The following BMERB1 variants were observed in gnomAD, a reference collection of about 807,000 sequenced individuals.
BMERB1 encodes the protein bMERB domain-containing protein 1.
A neutral mutation model predicts 23.6 loss-of-function variants in BMERB1; 12 were observed. The observed-to-expected ratio is 0.51, with a 90% CI of 0.33 to 0.82. BMERB1 has a LOEUF of 0.82. Among genes scored for constraint, BMERB1 ranks in the 40% least tolerant of loss-of-function variants. The pLI is 0.03. For synonymous variants in BMERB1, 122 were observed against 96.6 expected, an observed-to-expected ratio of 1.26 and a Z score of -1.54; for missense variants, 247 against 255.4, an observed-to-expected ratio of 0.97 and a Z score of 0.22.
At chr16:15,489,754 CAG>C (rs1382092210) in intron 1 of BMERB1, among the ~76,000 whole-genome samples, 2 of 152,162 alleles carry the variant, frequency 1.3e-5, no homozygotes, top group African/African-American at 4.8e-5. Flanking sequence ...TCCCACGCCA[CAG>C]AGTCTAACTT....
chr16:15,551,277 C>T (rs2030084043), intron 2 of BMERB1, among the ~76,000 whole-genome samples: 1 of 152,140 alleles, frequency 6.6e-6, no homozygotes, highest in Non-Finnish European at 1.5e-5. Flanking sequence ...TCCATGCCTG[C>T]CAGCCTTCCT....
chr16:15,457,081 C>T (rs1347588348), intron 1 of BMERB1, among the ~76,000 whole-genome samples: 2 of 152,188 alleles, frequency 1.3e-5, no homozygotes, highest in Non-Finnish European at 2.9e-5. Flanking sequence ...CCACCTTGGC[C>T]TCCCAAAATG....
chr16:15,499,596 C>T (rs2051507633), intron 1 of BMERB1, among the ~76,000 whole-genome samples: 1 of 152,064 alleles, frequency 6.6e-6, no homozygotes, highest in Non-Finnish European at 1.5e-5. Context: ...AGGGGAAGGA[C>T]CACAGCTTCT....
intron 1 of BMERB1, among the ~76,000 whole-genome samples, chr16:15,508,865 T>C (rs1048070376): frequency 1.4e-5 from 2 of 147,374 alleles, no homozygotes; most frequent in African/African-American, 5.0e-5. Context: ...AGGTTTACAA[T>C]GAGCCCAACA....
intron 2 of BMERB1, among the ~76,000 whole-genome samples, chr16:15,565,873 CAA>C (rs998129490): frequency 6.6e-6 from 1 of 152,112 alleles, no homozygotes; most frequent in African/African-American, 2.4e-5. Flanking sequence ...ACAACAAAGA[CAA>C]AGACACGCAG....
At chr16:15,488,541 A>C (rs1298191833) in intron 1 of BMERB1, among the ~76,000 whole-genome samples, 1 of 151,894 alleles carries the variant, frequency 6.6e-6, no homozygotes, top group Non-Finnish European at 1.5e-5. Flanking sequence ...AAAGATACAT[A>C]GTATTTGTGG....
intron 3 of BMERB1, 75 bp downstream of exon 3, chr16:15,568,131 G>T: frequency 6.2e-6 from 8 of 1,296,856 alleles, no homozygotes; most frequent in Non-Finnish European, 8.8e-6. Context: ...GTACGCCTGG[G>T]TCTGGAAGAC....
At chr16:15,522,734 C>G (rs373974714) in intron 2 of BMERB1, among the ~76,000 whole-genome samples, 1 of 152,056 alleles carries the variant, frequency 6.6e-6, no homozygotes, top group African/African-American at 2.4e-5. Context: ...CGGAGTGGCT[C>G]GCTTCTTCAG....
chr16:15,547,570 T>C (rs1394998484), intron 2 of BMERB1, among the ~76,000 whole-genome samples: 1 of 151,884 alleles, frequency 6.6e-6, no homozygotes, highest in Non-Finnish European at 1.5e-5. Context: ...GGTCTTGAAC[T>C]CCTGAACAAG....
At chr16:15,542,619 T>G (rs1319361702) in intron 2 of BMERB1, among the ~76,000 whole-genome samples, 2 of 150,276 alleles carry the variant, frequency 1.3e-5, no homozygotes, top group Non-Finnish European at 3.0e-5. Context: ...CTTAATGAAT[T>G]ACCTCCTAGG....
intron 2 of BMERB1, among the ~76,000 whole-genome samples, chr16:15,520,477 C>CTTTTTTT (rs147757819): frequency 9.1e-6 from 1 of 109,362 alleles, no homozygotes; most frequent in African/African-American, 3.7e-5. Context: ...CATAGATGTT[C>CTTTTTTT]TTTTTTTTTT....
chr16:15,470,763 A>G (rs1281315063), intron 1 of BMERB1, among the ~76,000 whole-genome samples: 1 of 142,718 alleles, frequency 7.0e-6, no homozygotes, highest in Non-Finnish European at 1.5e-5. Flanking sequence ...TGACCTCATG[A>G]TCTGCCCACT....
At chr16:15,438,381 C>G (rs535933381) in intron 1 of BMERB1, among the ~76,000 whole-genome samples, 1 of 152,038 alleles carries the variant, frequency 6.6e-6, no homozygotes, top group Non-Finnish European at 1.5e-5. Context: ...GCCACCACAC[C>G]TGGCGAAAGC....
chr16:15,578,222 TC>T (rs2030919990), intron 3 of BMERB1, among the ~76,000 whole-genome samples: 3 of 146,318 alleles, frequency 2.1e-5, no homozygotes, highest in African/African-American at 7.7e-5. Context: ...TCTTCTCTTC[TC>T]CTCTTTTTTT....
chr16:15,472,161 GT>G (rs2051234215), intron 1 of BMERB1, among the ~76,000 whole-genome samples: 1 of 152,152 alleles, frequency 6.6e-6, no homozygotes, highest in African/African-American at 2.4e-5. Flanking sequence ...GTTGGGGATT[GT>G]TTTTTGGCCG....
At chr16:15,559,951 A>C (rs372681789) in intron 2 of BMERB1, among the ~76,000 whole-genome samples, 22 of 152,272 alleles carry the variant, frequency 1.4e-4, no homozygotes, top group South Asian at 6.2e-4. Context: ...ATCACACACA[A>C]AAAAAATCTC....
intron 1 of BMERB1, among the ~76,000 whole-genome samples, chr16:15,441,919 C>G (rs78525141): frequency 5.9e-5 from 9 of 152,216 alleles, no homozygotes; most frequent in African/African-American, 2.2e-4. Context: ...TGATATAGTC[C>G]GTGATTCCTT....
chr16:15,477,654 C>A (rs2150934017), intron 1 of BMERB1, among the ~76,000 whole-genome samples: 1 of 152,106 alleles, frequency 6.6e-6, no homozygotes, highest in Middle Eastern at 3.4e-3. Flanking sequence ...AATAAAAAAT[C>A]CTGTTGCTGG....
At chr16:15,527,270 T>A (rs185555036) in intron 2 of BMERB1, among the ~76,000 whole-genome samples, 9 of 152,308 alleles carry the variant, frequency 5.9e-5, no homozygotes, top group Admixed American at 5.2e-4. Flanking sequence ...ACCAGCATTC[T>A]GCTTTCTGTC....
Sources: gnomAD v4.1 joint callset for allele counts (sites outside exome capture counted in the v4.1 genomes callset) on GRCh38, gnomAD v4.1.1 for gene constraint, MANE v1.5 for transcripts, NCBI Gene and HGNC (gene_info 2026-07-23, HGNC 2026-07-21) for gene names.